Variants in UNC13C observed in about 807,000 individuals in gnomAD.
UNC13C encodes protein unc-13 homolog C.
UNC13C carries 174 observed loss-of-function variants against 245.4 expected under a neutral mutation model. That is an observed-to-expected ratio of 0.71 (90% CI 0.63 to 0.80). UNC13C has a LOEUF of 0.80. Among genes scored for constraint, UNC13C ranks in the 30% least tolerant of loss-of-function variants. The pLI is 0.00. For synonymous variants in UNC13C, 992 were observed against 895.1 expected (o/e 1.11, Z -1.93); for missense variants, 2,829 against 2,602.9 (o/e 1.09, Z -1.89).
At chr15:54,189,570 G>A (rs2034110394) in intron 4 of UNC13C, among the ~76,000 whole-genome samples, 2 of 152,094 alleles carry the variant, frequency 1.3e-5, no homozygotes, top group Non-Finnish European at 2.9e-5. Context: ...GACAGCTGAA[G>A]CAATTATGTA....
chr15:54,065,803 G>T (rs1223195437), intron 2 of UNC13C, among the ~76,000 whole-genome samples: 1 of 152,198 alleles, frequency 6.6e-6, no homozygotes, highest in African/African-American at 2.4e-5. Flanking sequence ...CATCTTGGAA[G>T]AGGAACGGAG....
chr15:54,504,915 C>T (rs1246100709), intron 22 of UNC13C, among the ~76,000 whole-genome samples: 1 of 152,134 alleles, frequency 6.6e-6, no homozygotes, highest in Non-Finnish European at 1.5e-5. Context: ...TGATGGCCGT[C>T]CCACTCAATG....
intron 17 of UNC13C, among the ~76,000 whole-genome samples, chr15:54,347,368 C>A (rs1307153229): frequency 6.6e-6 from 1 of 152,104 alleles, no homozygotes; most frequent in African/African-American, 2.4e-5. Context: ...TGTCAAAAAC[C>A]AATAAAACCT....
intron 2 of UNC13C, among the ~76,000 whole-genome samples, chr15:54,067,262 A>G (rs1165923282): frequency 1.3e-5 from 2 of 152,186 alleles, no homozygotes; most frequent in African/African-American, 2.4e-5. Context: ...AATCCACGCC[A>G]TATTTAAAAT....
At chr15:54,096,137 A>T (rs777290010) in intron 2 of UNC13C, among the ~76,000 whole-genome samples, 1 of 152,180 alleles carries the variant, frequency 6.6e-6, no homozygotes, top group Non-Finnish European at 1.5e-5. Flanking sequence ...GAATGAAATG[A>T]GGGGGTCACT....
At chr15:54,175,295 A>G (rs1031251504) in intron 4 of UNC13C, among the ~76,000 whole-genome samples, 1 of 152,132 alleles carries the variant, frequency 6.6e-6, no homozygotes, top group African/African-American at 2.4e-5. Flanking sequence ...ACCCTGGCCA[A>G]GGAAAGACTA....
At position 54,044,551 on chromosome 15, in the gene UNC13C, G is replaced by A. The variant is rs78314171; in HGVS notation, c.2983+28665G>A. 1,633 of 184,908 alleles carry A rather than the reference G, an allele frequency of 8.8e-3. 32 individuals carry two copies. The highest frequency in any genetic ancestry group is 0.037 in the African/African-American group (1,555 of 42,300). 11.5% of individuals were successfully genotyped at this position (184,908 alleles called of 1,614,324 possible). On this transcript the variant is annotated intron_variant, in intron 2 of 32. Transcript: ENST00000260323. ...AACCTGACAATCCCACCAGCAATGTGGCAGGCGGGGTGGGGGGTGTGGGGG... is the reference window on the plus strand; with the variant it reads ...AACCTGACAATCCCACCAGCAATGTAGCAGGCGGGGTGGGGGGTGTGGGGG...
chr15:53,919,984 C>G, the UNC13C span, among the ~76,000 whole-genome samples: 2 of 151,760 alleles, frequency 1.3e-5, no homozygotes, highest in East Asian at 3.9e-4. Context: ...TCCAATCCAT[C>G]TTTTTAGATT....
intron 10 of UNC13C, among the ~76,000 whole-genome samples, chr15:54,286,939 A>G (rs545526121): frequency 7.0e-4 from 107 of 152,330 alleles, no homozygotes; most frequent in African/African-American, 2.5e-3. Context: ...TTAAAATTAG[A>G]AATATGAATC....
intron 16 of UNC13C, among the ~76,000 whole-genome samples, chr15:54,335,703 T>C (rs1309243250): frequency 2.6e-5 from 4 of 152,194 alleles, no homozygotes; most frequent in African/African-American, 9.6e-5. Flanking sequence ...AATTCACTTC[T>C]GTTAATTGCT....
At chr15:54,596,040 G>C (rs1899062400) in intron 30 of UNC13C, among the ~76,000 whole-genome samples, 1 of 152,028 alleles carries the variant, frequency 6.6e-6, no homozygotes, top group Non-Finnish European at 1.5e-5. Context: ...TGTCTGCTTG[G>C]GCTTGGTTTG....
chr15:54,547,055 C>T (rs1896517924), intron 27 of UNC13C, among the ~76,000 whole-genome samples: 2 of 152,184 alleles, frequency 1.3e-5, no homozygotes, highest in African/African-American at 4.8e-5. Flanking sequence ...CGTTGCTTGA[C>T]AGTCAGAACT....
intron 2 of UNC13C, among the ~76,000 whole-genome samples, chr15:54,030,655 G>T (rs978183294): frequency 7.2e-5 from 11 of 152,106 alleles, no homozygotes; most frequent in Non-Finnish European, 7.4e-5. Context: ...AATTTATAAA[G>T]AATAGAAATT....
At chr15:54,206,643 G>C (rs2034721742) in intron 4 of UNC13C, among the ~76,000 whole-genome samples, 2 of 152,150 alleles carry the variant, frequency 1.3e-5, no homozygotes, top group South Asian at 4.1e-4. Flanking sequence ...AATATCTGAA[G>C]GATATAGCTC....
chr15:54,357,810 A>G (rs2039130959), intron 17 of UNC13C, among the ~76,000 whole-genome samples: 1 of 151,960 alleles, frequency 6.6e-6, no homozygotes, highest in Non-Finnish European at 1.5e-5. Flanking sequence ...GGACTTACAA[A>G]ACACATTTTT....
At chr15:54,350,287 G>A (rs116972174) in intron 17 of UNC13C, among the ~76,000 whole-genome samples, 3,504 of 152,216 alleles carry the variant, frequency 0.023, 55 homozygotes, top group Middle Eastern at 0.044. Flanking sequence ...CCCACGCCTG[G>A]CCTATTTTTC....
chr15:54,493,810 A>C (rs952581103), intron 19 of UNC13C, among the ~76,000 whole-genome samples: 6 of 152,098 alleles, frequency 3.9e-5, no homozygotes, highest in Non-Finnish European at 8.8e-5. Flanking sequence ...TCTCAGTAAC[A>C]TTATTATTTG....
At chr15:54,246,070 G>T (rs1277853911) in intron 7 of UNC13C, among the ~76,000 whole-genome samples, 1 of 152,114 alleles carries the variant, frequency 6.6e-6, no homozygotes, top group African/African-American at 2.4e-5. Flanking sequence ...CATTGCTCTT[G>T]GCAGGTAGCC....
At chr15:54,070,570 C>T (rs1032001720) in intron 2 of UNC13C, among the ~76,000 whole-genome samples, 1 of 152,066 alleles carries the variant, frequency 6.6e-6, no homozygotes, top group East Asian at 1.9e-4. Context: ...GTTTTGTTAG[C>T]TTGCATAGGT....
Sources: allele counts gnomAD v4.1 joint callset (sites outside exome capture counted in the v4.1 genomes callset), GRCh38; gene constraint gnomAD v4.1.1; transcripts MANE v1.5; gene names NCBI Gene and HGNC (gene_info 2026-07-23, HGNC 2026-07-21).